The following DTNA variants were observed in gnomAD, a reference collection of about 807,000 sequenced individuals.
DTNA encodes the protein dystrophin-related protein 3.
In DTNA, 43 loss-of-function variants were observed where a neutral mutation model predicts 100.7. That is an observed-to-expected ratio of 0.43 (90% CI 0.33 to 0.55). DTNA has a LOEUF of 0.55. Ranked by LOEUF, DTNA falls within the 20% of genes least tolerant of loss-of-function variation. DTNA has a pLI of 0.04. For synonymous variants in DTNA, 349 were observed against 347.9 expected, an observed-to-expected ratio of 1.00 and a Z score of -0.04; for missense variants, 798 against 953.9, an observed-to-expected ratio of 0.84 and a Z score of 2.15.
chr18:34,873,634 C>T (rs759639901), intron 17 of DTNA, among the ~76,000 whole-genome samples: 1 of 152,234 alleles, frequency 6.6e-6, no homozygotes, highest in Non-Finnish European at 1.5e-5. Context: ...CACAACTTCA[C>T]ATTTAGAGTA....
chr18:34,649,265 T>G (rs1397130841), intron 1 of DTNA, among the ~76,000 whole-genome samples: 1 of 152,230 alleles, frequency 6.6e-6, no homozygotes, highest in Non-Finnish European at 1.5e-5. Flanking sequence ...TCAATGTTTA[T>G]AAGTCAGCTT....
chr18:34,576,845 C>T (rs977940817), intron 1 of DTNA, among the ~76,000 whole-genome samples: 3 of 152,136 alleles, frequency 2.0e-5, no homozygotes, highest in African/African-American at 7.2e-5. Flanking sequence ...AAGGGACAAA[C>T]AGCCCATGTC....
At chr18:34,732,442 C>G (rs537853620) in intron 1 of DTNA, among the ~76,000 whole-genome samples, 2 of 152,334 alleles carry the variant, frequency 1.3e-5, no homozygotes, top group African/African-American at 4.8e-5. Flanking sequence ...CCTCTGCGAT[C>G]CTCCTTTACT....
chr18:34,539,293 G>A (rs1190459935), intron 1 of DTNA, among the ~76,000 whole-genome samples: 1 of 151,738 alleles, frequency 6.6e-6, no homozygotes, highest in Non-Finnish European at 1.5e-5. Flanking sequence ...GAAGATGTTT[G>A]TCCAAGGAAG....
intron 1 of DTNA, among the ~76,000 whole-genome samples, chr18:34,580,480 G>A (rs2146640052): frequency 6.6e-6 from 1 of 152,234 alleles, no homozygotes; most frequent in Non-Finnish European, 1.5e-5. Flanking sequence ...GGGTCGGGGG[G>A]ATGCAGGGAG....
At chr18:34,757,393 A>G (rs1313456610) in intron 2 of DTNA, 1 of 152,220 alleles carries the variant, frequency 6.6e-6, no homozygotes, top group Non-Finnish European at 1.5e-5. Context: ...ATTATAAGAC[A>G]TCATGGGACA....
chr18:34,736,321 T>A (rs1432948752), intron 1 of DTNA, among the ~76,000 whole-genome samples: 1 of 152,234 alleles, frequency 6.6e-6, no homozygotes, highest in Non-Finnish European at 1.5e-5. Context: ...TTCTAAAAGC[T>A]GTAGGAGAAT....
intron 1 of DTNA, among the ~76,000 whole-genome samples, chr18:34,621,484 A>C (rs1381238793): frequency 6.6e-6 from 1 of 152,132 alleles, no homozygotes; most frequent in Non-Finnish European, 1.5e-5. Context: ...TGCAATCTCT[A>C]CTGTATAGCT....
chr18:34,550,375 C>T (rs917174291), intron 1 of DTNA, among the ~76,000 whole-genome samples: 2 of 152,124 alleles, frequency 1.3e-5, no homozygotes, highest in African/African-American at 4.8e-5. Flanking sequence ...GCTAGGGGAT[C>T]TATATGCAGT....
intron 2 of DTNA, among the ~76,000 whole-genome samples, chr18:34,762,985 A>G (rs974921612): frequency 6.6e-6 from 1 of 152,146 alleles, no homozygotes; most frequent in African/African-American, 2.4e-5. Flanking sequence ...CAGGACTTCA[A>G]TCAGAGGAAA....
At chr18:34,780,879 T>C (rs932946467) in intron 3 of DTNA, among the ~76,000 whole-genome samples, 1 of 152,222 alleles carries the variant, frequency 6.6e-6, no homozygotes, top group Admixed American at 6.5e-5. Context: ...ACTCCAGAAC[T>C]GTCCATTCAG....
At chr18:34,640,136 CAG>C (rs2059115987) in intron 1 of DTNA, among the ~76,000 whole-genome samples, 1 of 152,218 alleles carries the variant, frequency 6.6e-6, no homozygotes, top group Non-Finnish European at 1.5e-5. Context: ...GTTGGACAAT[CAG>C]AGATGATAAT....
Position 34,545,807 on chromosome 18 carries a change from T to A in DTNA, c.-2+52293T>A, listed in dbSNP as rs1437095252. ...CAGTTTGTTCAGTTGTGTCCATTTC[T>A]TTTTCTTTTTCAGGTAAGAGAAAAT... On this transcript the variant is annotated intron_variant, in intron 1 of 19. Coordinates refer to the DTNA transcript ENST00000283365. Among the ~76,000 whole-genome samples the A allele has an allele frequency of 3.9e-5, 6 of 152,040 alleles. No homozygotes were observed. In the East Asian group the frequency reaches 1.2e-3, roughly 29 times the overall value.
chr18:34,520,649 C>G (rs1568580541), intron 1 of DTNA, among the ~76,000 whole-genome samples: 1 of 151,838 alleles, frequency 6.6e-6, no homozygotes, highest in Non-Finnish European at 1.5e-5. Context: ...AGCAAAAACC[C>G]CGTCTCAAAA....
chr18:34,519,849 G>A (rs1040317978), intron 1 of DTNA, among the ~76,000 whole-genome samples: 1 of 152,096 alleles, frequency 6.6e-6, no homozygotes, highest in African/African-American at 2.4e-5. Context: ...GATCTAAGAA[G>A]GTAAAGAAAG....
intron 1 of DTNA, among the ~76,000 whole-genome samples, chr18:34,624,539 T>C (rs1207571834): frequency 6.6e-6 from 1 of 152,230 alleles, no homozygotes; most frequent in Non-Finnish European, 1.5e-5. Flanking sequence ...CAAATGCCAA[T>C]ATAATTTCAA....
At chr18:34,733,822 C>T (rs1277090799) in intron 1 of DTNA, among the ~76,000 whole-genome samples, 2 of 152,170 alleles carry the variant, frequency 1.3e-5, no homozygotes, top group African/African-American at 2.4e-5. Context: ...TTCCAGCTCA[C>T]TCACAGTGGG....
intron 1 of DTNA, among the ~76,000 whole-genome samples, chr18:34,512,013 T>C (rs761670122): frequency 4.6e-5 from 7 of 151,922 alleles, no homozygotes; most frequent in Non-Finnish European, 8.8e-5. Flanking sequence ...CTGTTCTGAG[T>C]CTCTGCATCT....
At chr18:34,496,244 A>ACACACACC (rs1367443521) in intron 1 of DTNA, among the ~76,000 whole-genome samples, 24 of 147,542 alleles carry the variant, frequency 1.6e-4, no homozygotes, top group African/African-American at 5.7e-4. Flanking sequence ...ACACACACAC[A>ACACACACC]CCAGAATTAT....
Sources: gnomAD v4.1 joint callset for allele counts (sites outside exome capture counted in the v4.1 genomes callset) on GRCh38, gnomAD v4.1.1 for gene constraint, MANE v1.5 for transcripts, NCBI Gene and HGNC (gene_info 2026-07-23, HGNC 2026-07-21) for gene names.